Variants in KSR1 observed in about 807,000 individuals in gnomAD.
KSR1 encodes the protein kinase suppressor of ras.
Under a neutral mutation model 92.9 loss-of-function variants are expected in KSR1, and 35 were observed. That is an observed-to-expected ratio of 0.38 (90% CI 0.29 to 0.50). KSR1 has a LOEUF of 0.50. Ranked by LOEUF, KSR1 falls within the 20% of genes least tolerant of loss-of-function variation. KSR1 has a pLI of 0.94. For synonymous variants in KSR1, 467 were observed against 472.6 expected (o/e 0.99, Z 0.15); for missense variants, 972 against 1,158.5 (o/e 0.84, Z 2.34).
At chr17:27,611,424 C>G (rs891614485) in intron 17 of KSR1, 70 bp from the exon 18 acceptor site, 1 of 1,602,312 alleles carries the variant, frequency 6.2e-7, no homozygotes, top group Non-Finnish European at 8.5e-7. Flanking sequence ...TGGGCTATGG[C>G]TCAAGGGCCC....
chr17:27,588,456 C>G lies in KSR1; in HGVS notation c.986-19C>G. ...CTGCGGAGTTCCTCAGCCTGCCCAT[C>G]CGGCCTCTTTCCCTGCAGATCTCTC... On this transcript the variant is annotated intron_variant, in intron 5 of 20. Coordinates refer to ENST00000644974, the MANE Select transcript of KSR1 (RefSeq NM_001394583.1). 1 of 1,563,814 alleles carries G rather than the reference C, an allele frequency of 6.4e-7. No homozygotes were observed. The highest frequency in any genetic ancestry group is 1.2e-5 in the South Asian group (1 of 83,002).
At chr17:27,586,430 G>A (rs930583199) in intron 5 of KSR1, among the ~76,000 whole-genome samples, 13 of 152,304 alleles carry the variant, frequency 8.5e-5, no homozygotes, top group South Asian at 6.2e-4. Context: ...AGCTGTGGGC[G>A]GGGTCTTGGG....
intron 1 of KSR1, 81 bp from the exon 2 acceptor site, chr17:27,550,487 G>A (rs1567817232): frequency 2.8e-6 from 2 of 726,798 alleles, no homozygotes; most frequent in Non-Finnish European, 5.1e-6. Context: ...GTCTGCCTGA[G>A]CTCCTCTGTA....
At chr17:27,556,432 G>A (rs1209810082) in intron 2 of KSR1, among the ~76,000 whole-genome samples, 1 of 151,946 alleles carries the variant, frequency 6.6e-6, no homozygotes, top group Admixed American at 6.6e-5. Context: ...ATGTTGCCCA[G>A]GCTGATCTTG....
intron 1 of KSR1, among the ~76,000 whole-genome samples, chr17:27,527,519 C>T (rs2070360709): frequency 6.6e-6 from 1 of 152,074 alleles, no homozygotes; most frequent in Admixed American, 6.5e-5. Flanking sequence ...CCTCAGCCTC[C>T]CGAGTAGCTG....
At chr17:27,561,410 G>A (rs577592507) in intron 2 of KSR1, among the ~76,000 whole-genome samples, 3 of 152,064 alleles carry the variant, frequency 2.0e-5, no homozygotes, top group African/African-American at 7.2e-5. Flanking sequence ...CTTTTACCTG[G>A]TACCTTGATT....
At chr17:27,521,686 A>G (rs1243882094) in intron 1 of KSR1, among the ~76,000 whole-genome samples, 2 of 152,098 alleles carry the variant, frequency 1.3e-5, no homozygotes, top group Non-Finnish European at 2.9e-5. Flanking sequence ...CACCTGCCTT[A>G]GGCTCTCAAA....
rs138222929 is a variant in KSR1 at position 27,527,165 on chromosome 17, G to T, written c.232-23403G>T. The stretch of plus-strand genomic sequence containing the variant: ...GTACTTTTCTACTAAAATCAGCAGG[G>T]TACTCTTTTCTAGTTCTGAGAAGTA... On this transcript the variant is annotated intron_variant, in intron 1 of 20. Coordinates refer to ENST00000644974, the MANE Select transcript of KSR1 (RefSeq NM_001394583.1). The T allele has an allele frequency of 5.7e-3, 1,500 of 260,874 alleles. 19 individuals carry two copies. Among genetic ancestry groups the T allele is most frequent in the Admixed American group, 7.4e-3 (168 of 22,640 alleles). 16.2% of individuals were successfully genotyped at this position (260,874 alleles called of 1,614,324 possible).
At chr17:27,570,369 G>A (rs2072258938) in intron 2 of KSR1, among the ~76,000 whole-genome samples, 1 of 152,186 alleles carries the variant, frequency 6.6e-6, no homozygotes, top group Non-Finnish European at 1.5e-5. Flanking sequence ...AGGCTGTTAG[G>A]AGGATTGCAT....
chr17:27,546,304 G>A lies in KSR1; in HGVS notation c.232-4264G>A, dbSNP rs531936420. ...ATAGGGAGATCTAACCTAGTCTTTT[G>A]GAGGTCTCCATGCTGTAGTTGAATA... On this transcript the variant is annotated intron_variant, in intron 1 of 20. Coordinates refer to ENST00000644974, the MANE Select transcript of KSR1 (RefSeq NM_001394583.1). Among the ~76,000 whole-genome samples, 4 of 152,280 alleles carry A rather than the reference G, an allele frequency of 2.6e-5. No homozygotes were observed. In the South Asian group the frequency reaches 8.3e-4, roughly 32 times the overall value.
chr17:27,491,230 T>TC (rs778652473), intron 1 of KSR1, among the ~76,000 whole-genome samples: 11 of 151,812 alleles, frequency 7.2e-5, no homozygotes, highest in Non-Finnish European at 1.3e-4. Flanking sequence ...GCTCAAGTGA[T>TC]CCTCTGGCCT....
intron 1 of KSR1, among the ~76,000 whole-genome samples, chr17:27,512,488 C>A (rs560467852): frequency 6.6e-6 from 1 of 152,088 alleles, no homozygotes; most frequent in Non-Finnish European, 1.5e-5. Flanking sequence ...TTTGGGAGGC[C>A]GAGGCAGGTG....
chr17:27,467,812 TG>T (rs1175220346), intron 1 of KSR1, among the ~76,000 whole-genome samples: 5 of 132,118 alleles, frequency 3.8e-5, no homozygotes, highest in African/African-American at 1.2e-4. Flanking sequence ...GTTTATGTTT[TG>T]TTTTTTTTTT....
At chr17:27,610,226 C>G (rs746257485) in intron 17 of KSR1, 28 bp downstream of exon 17, 2 of 1,613,070 alleles carry the variant, frequency 1.2e-6, no homozygotes, top group South Asian at 1.1e-5. Flanking sequence ...GCCCTGAGGC[C>G]AAGTGTGGCC....
intron 1 of KSR1, among the ~76,000 whole-genome samples, chr17:27,486,027 G>A (rs1162997489): frequency 6.6e-6 from 1 of 152,184 alleles, no homozygotes; most frequent in African/African-American, 2.4e-5. Context: ...AGTGGGGTAG[G>A]ATTTGAAAAG....
intron 1 of KSR1, among the ~76,000 whole-genome samples, chr17:27,541,051 G>A (rs1412903336): frequency 1.3e-5 from 2 of 152,236 alleles, no homozygotes; most frequent in East Asian, 3.8e-4. Flanking sequence ...GGGACCACTG[G>A]AATGAAGGCT....
chr17:27,576,301 T>C (rs1191665974), intron 2 of KSR1, among the ~76,000 whole-genome samples: 9 of 152,196 alleles, frequency 5.9e-5, no homozygotes, highest in Admixed American at 5.9e-4. Flanking sequence ...AAACCATGGA[T>C]AGTACTGAAT....
chr17:27,550,293 C>T (rs2071347095), intron 1 of KSR1, among the ~76,000 whole-genome samples: 1 of 152,244 alleles, frequency 6.6e-6, no homozygotes, highest in Non-Finnish European at 1.5e-5. Context: ...GCTCTCTGTT[C>T]TGACCAGTGT....
At position 27,605,599 on chromosome 17, in the gene KSR1, G is replaced by A; in HGVS notation, c.1780G>A (p.Gly594Ser). Residue 594 changes from glycine (G) to serine (S), a missense_variant, in exon 14 of 21, where the codon GGC (glycine) becomes AGC (serine). This residue lies in a region of KSR1 where 260 missense variants were observed against 375.2 expected (regional missense o/e 0.69). Transcript: ENST00000644974. ...WDIPFEQVELGEPIGQGRWGR... is the reference protein window; with the variant it reads ...WDIPFEQVELSEPIGQGRWGR... ...CATCCCCTTCGAGCAGGTAGAGCTG[G>A]GCGAGCCCATCGGGCAGGGCCGCTG... 6.2e-7 allele frequency: 1 copy of A among 1,602,468 alleles called. No homozygotes were observed. Among genetic ancestry groups the A allele is most frequent in the Non-Finnish European group, 8.5e-7 (1 of 1,175,220 alleles).
Sources: gnomAD v4.1 joint callset for allele counts (sites outside exome capture counted in the v4.1 genomes callset) on GRCh38, gnomAD v4.1.1 for gene constraint, gnomAD v4.1.1 regional missense constraint, MANE v1.5 for transcripts, NCBI Gene and HGNC (gene_info 2026-07-23, HGNC 2026-07-21) for gene names.